Variants in TBXAS1 observed in about 807,000 individuals in gnomAD.
The protein encoded by TBXAS1 is thromboxane-A synthase.
TBXAS1 carries 48 observed loss-of-function variants against 60.7 expected under a neutral mutation model. The ratio of observed to expected loss-of-function variants is 0.79; its 90% CI spans 0.63 to 1.01. The LOEUF (loss-of-function observed/expected upper bound fraction) is 1.01. Ranked by LOEUF, TBXAS1 falls within the 50% of genes least tolerant of loss-of-function variation. The pLI is 0.00. For synonymous variants in TBXAS1, 287 were observed against 269.7 expected (o/e 1.06, Z -0.63); for missense variants, 685 against 686.3 (o/e 1.00, Z 0.02).
chr7:139,859,207 T>G (rs1585651838), intron 1 of TBXAS1, among the ~76,000 whole-genome samples: 4 of 148,430 alleles, frequency 2.7e-5, no homozygotes, highest in Admixed American at 2.7e-4. Flanking sequence ...TAGTTTTTTT[T>G]TTTTTTTTTT....
At chr7:139,850,349 C>A (rs904111408) in intron 1 of TBXAS1, among the ~76,000 whole-genome samples, 8 of 152,090 alleles carry the variant, frequency 5.3e-5, no homozygotes, top group Non-Finnish European at 1.0e-4. Flanking sequence ...CAATAAGTAG[C>A]AAAAACAAAA....
chr7:140,000,393 A>G (rs918688291), intron 9 of TBXAS1, among the ~76,000 whole-genome samples: 6 of 152,196 alleles, frequency 3.9e-5, no homozygotes, highest in African/African-American at 1.4e-4. Flanking sequence ...CTGTAGTCCC[A>G]GTTACTCTGG....
intron 4 of TBXAS1, among the ~76,000 whole-genome samples, chr7:139,822,405 T>G (rs1320250356): frequency 6.6e-6 from 1 of 152,184 alleles, no homozygotes; most frequent in Non-Finnish European, 1.5e-5. Flanking sequence ...CTACCTGTTC[T>G]CTGTAGCCCA....
intron 1 of TBXAS1, among the ~76,000 whole-genome samples, chr7:139,848,812 C>A (rs1800003228): frequency 6.6e-6 from 1 of 152,082 alleles, no homozygotes; most frequent in African/African-American, 2.4e-5. Context: ...TAGCGGGAGG[C>A]ACTGCACAGT....
chr7:139,940,236 G>C (rs1347623062), intron 5 of TBXAS1, among the ~76,000 whole-genome samples: 1 of 152,104 alleles, frequency 6.6e-6, no homozygotes, highest in Non-Finnish European at 1.5e-5. Context: ...GCTGCTTCTG[G>C]GCTGTGGAAG....
rs768564320 is a variant in TBXAS1 at position 139,962,063 on chromosome 7, A to G, written c.964A>G (p.Met322Val). 6.8e-6 allele frequency: 11 copies of G among 1,614,084 alleles called. No individual in the cohort carries two copies. The South Asian group carries it at 1.2e-4, about 18-fold the overall frequency. The change falls in exon 9 of 13, where the codon ATG becomes GTG. Residue 322 changes from methionine to valine, a missense_variant. By Grantham distance (21) the Met-to-Val change is conservative. Coordinates refer to ENST00000448866, the MANE Select transcript of TBXAS1 (RefSeq NM_001061.7). ...NPSRQHQPSP[M>V]ARPLTVDEIV... ...TTCCCGGCAACACCAGCCCAGCCCT[A>G]TGGCCAGGCCTTTGACTGTGGATGA... is the stretch of plus-strand genomic sequence containing the variant.
Position 139,924,126 on chromosome 7 carries a change from T to C in TBXAS1, c.334-12065T>C, listed in dbSNP as rs540577223. On this transcript the variant is annotated intron_variant, in intron 4 of 12. Transcript: ENST00000448866. ...CATGGGTGTGCAGATATCTCTTTGA[T>C]ATACTGATTTCCTTTCTTTGGGGTA... Among the ~76,000 whole-genome samples, 18 of 152,368 alleles carry C rather than the reference T, an allele frequency of 1.2e-4. No individual in the cohort carries two copies. In the East Asian group the frequency reaches 1.7e-3, roughly 15 times the overall value.
chr7:139,860,240 G>A (rs1417041936), intron 1 of TBXAS1, among the ~76,000 whole-genome samples: 2 of 152,156 alleles, frequency 1.3e-5, no homozygotes, highest in Non-Finnish European at 2.9e-5. Flanking sequence ...TGGGTACTGG[G>A]TGAGCTCTCG....
At chr7:139,951,632 G>T (rs1483193259) in intron 5 of TBXAS1, among the ~76,000 whole-genome samples, 3 of 136,656 alleles carry the variant, frequency 2.2e-5, no homozygotes, top group Admixed American at 2.2e-4. Context: ...AATTAGCCAG[G>T]CATGGTGGCA....
Position 140,007,135 on chromosome 7 carries a change from G to T in TBXAS1, c.1179G>T (p.Leu393=), listed in dbSNP as rs752484551. Residue 393 remains leucine, a synonymous_variant, in exon 10 of 13, where the codon CTG becomes CTT. Transcript: ENST00000448866. ...FCSLEEGLPY[L]DMVIAETLRM... is the part of the protein sequence containing the mutation. Reference sequence around the variant, plus strand: ...GCCTCGAGGAAGGCCTGCCCTATCTGGACATGGTGATTGCAGAGACGCTGA... The same window carrying T: ...GCCTCGAGGAAGGCCTGCCCTATCTTGACATGGTGATTGCAGAGACGCTGA... 4 of 1,614,132 alleles carry T rather than the reference G, an allele frequency of 2.5e-6. No individual in the cohort carries two copies.
At chr7:139,972,572 G>A (rs1261437474) in intron 9 of TBXAS1, among the ~76,000 whole-genome samples, 3 of 152,042 alleles carry the variant, frequency 2.0e-5, no homozygotes, top group South Asian at 4.2e-4. Flanking sequence ...AACTTCCCCA[G>A]ACTCTGTTGA....
intron 3 of TBXAS1, among the ~76,000 whole-genome samples, chr7:139,892,148 C>T (rs7810857): frequency 0.38 from 57,801 of 152,004 alleles, 11,484 homozygotes; most frequent in South Asian, 0.49. Flanking sequence ...TCCCGAAGAG[C>T]TGATACCTCC....
intron 4 of TBXAS1, among the ~76,000 whole-genome samples, chr7:139,935,635 A>G (rs1396483481): frequency 6.6e-6 from 1 of 152,124 alleles, no homozygotes; most frequent in African/African-American, 2.4e-5. Flanking sequence ...ACACAGAAAC[A>G]TTATGGCAGG....
At position 139,992,988 on chromosome 7, in the gene TBXAS1, C is replaced by T. The variant is rs147792606; in HGVS notation, c.1135-14103C>T. ...GAGTTTGAGACCAGCCTGGTTAACA[C>T]GGAAAAACCCCGTCTCTACTAAAAA... is the stretch of plus-strand genomic sequence containing the variant. On this transcript the variant is annotated intron_variant, in intron 9 of 12. Coordinates refer to ENST00000448866, the MANE Select transcript of TBXAS1 (RefSeq NM_001061.7). Among the ~76,000 whole-genome samples the T allele has an allele frequency of 8.5e-4, 129 of 152,078 alleles. 1 individual carries two copies. Among genetic ancestry groups the T allele is most frequent in the East Asian group, 5.6e-3 (29 of 5,174 alleles).
chr7:139,963,624 C>T (rs76320913), intron 9 of TBXAS1, among the ~76,000 whole-genome samples: 7,441 of 152,200 alleles, frequency 0.049, 250 homozygotes, highest in South Asian at 0.084. Flanking sequence ...GAGGGACCAA[C>T]GGTGACTGGG....
At position 139,852,665 on chromosome 7, in the gene TBXAS1, CA is replaced by C. The variant is rs1800298227; in HGVS notation, c.90-19568del. ...ATAAATATTTTTTTGAAACTCTTAA[CA>C]ATATTCTTTTGTTACTTTGAGTTAC... On this transcript the variant is annotated intron_variant, in intron 1 of 12. Coordinates refer to ENST00000448866, the MANE Select transcript of TBXAS1 (RefSeq NM_001061.7). The surrounding 1 kb of genome is among the most constrained non-coding windows in gnomAD (Gnocchi z 4.4). Among the ~76,000 whole-genome samples, 1 of 152,092 alleles carries C rather than the reference CA, an allele frequency of 6.6e-6. No individual in the cohort carries two copies. The highest frequency in any genetic ancestry group is 6.5e-5 in the Admixed American group (1 of 15,274).
chr7:139,809,198 T>C (rs1025930358), intron 4 of TBXAS1, among the ~76,000 whole-genome samples: 1 of 140,322 alleles, frequency 7.1e-6, no homozygotes, highest in Non-Finnish European at 1.5e-5. Flanking sequence ...AGGAGATAGA[T>C]GATAGATAGA....
intron 9 of TBXAS1, among the ~76,000 whole-genome samples, chr7:139,981,490 TTTATCC>T (rs1362439464): frequency 1.3e-5 from 2 of 152,222 alleles, no homozygotes; most frequent in South Asian, 2.1e-4. Context: ...AGAATGGCTT[TTTATCC>T]CTTGTGTATG....
At chr7:139,972,334 G>A (rs150718116) in intron 9 of TBXAS1, among the ~76,000 whole-genome samples, 97 of 152,316 alleles carry the variant, frequency 6.4e-4, no homozygotes, top group African/African-American at 2.0e-3. Context: ...TGTGGGGTTG[G>A]TTCACATCCA....
Sources: gnomAD v4.1 joint callset for allele counts (sites outside exome capture counted in the v4.1 genomes callset) on GRCh38, gnomAD v4.1.1 for gene constraint, Gnocchi (gnomAD v3.1) non-coding constraint, MANE v1.5 for transcripts, NCBI Gene and HGNC (gene_info 2026-07-23, HGNC 2026-07-21) for gene names.